Variants in ZC3H13 observed in about 807,000 individuals in gnomAD.
The protein encoded by ZC3H13 is zinc finger CCCH domain-containing protein 13.
In ZC3H13, 64 loss-of-function variants were observed where a neutral mutation model predicts 204.1. That is an observed-to-expected ratio of 0.31 (90% CI 0.26 to 0.39). The LOEUF (loss-of-function observed/expected upper bound fraction) is 0.39, where lower values mean the gene tolerates loss of function less well. Ranked by LOEUF, ZC3H13 falls within the 10% of genes least tolerant of loss-of-function variation. ZC3H13 has a pLI of 1.00. For synonymous variants in ZC3H13, 667 were observed against 693.7 expected, an observed-to-expected ratio of 0.96 and a Z score of 0.60; for missense variants, 1,833 against 2,082.7, an observed-to-expected ratio of 0.88 and a Z score of 2.33.
chr13:46,005,714 C>G (rs1055402989), intron 7 of ZC3H13, among the ~76,000 whole-genome samples: 37 of 152,284 alleles, frequency 2.4e-4, no homozygotes, highest in African/African-American at 8.7e-4. Context: ...GTCTCAAACT[C>G]TTGGGCTCAA....
In ZC3H13 at chr13:46,049,301, A is replaced by AAC. The variant is rs1254918750; in HGVS notation, c.-10+3102_-10+3103insGT. On this transcript the variant is annotated intron_variant, in intron 1 of 18. Coordinates refer to ENST00000679008, the MANE Select transcript of ZC3H13 (RefSeq NM_001330564.2). ...TTAAAACAAGAATAATGACAACAAT[A>AAC]ATACACACACACATATTCTTAATAA... Among the ~76,000 whole-genome samples the AAC allele has an allele frequency of 9.5e-3, 595 of 62,666 alleles. 11 individuals carry two copies. The highest frequency in any genetic ancestry group is 5.4e-3 in the Non-Finnish European group (179 of 33,142). 41.1% of individuals were successfully genotyped at this position (62,666 alleles called of 152,430 possible).
At chr13:45,960,702 A>G (rs1471226324) in intron 17 of ZC3H13, among the ~76,000 whole-genome samples, 2 of 152,234 alleles carry the variant, frequency 1.3e-5, no homozygotes, top group Non-Finnish European at 2.9e-5. Context: ...ATCCAAATAA[A>G]TAAGAGTCGG....
At position 45,970,490 on chromosome 13, in the gene ZC3H13, T is replaced by C. The variant is rs774344625; in HGVS notation, c.2469-25A>G. On this transcript the variant is annotated intron_variant, in intron 12 of 18. Coordinates refer to ENST00000679008, the MANE Select transcript of ZC3H13 (RefSeq NM_001330564.2). ...CCTAAATTGGACAAGCAAACACAATTTATAAAATTCTAGGGGGCAAAAAAA... is the reference window on the plus strand; with the variant it reads ...CCTAAATTGGACAAGCAAACACAATCTATAAAATTCTAGGGGGCAAAAAAA... The C allele has an allele frequency of 1.9e-6, 3 of 1,599,612 alleles. No homozygotes were observed. The African/African-American group carries it at 4.0e-5, about 22-fold the overall frequency.
At chr13:45,959,710 A>C in intron 17 of ZC3H13, 64 bp from the exon 18 acceptor site, 1 of 1,407,056 alleles carries the variant, frequency 7.1e-7, no homozygotes. Flanking sequence ...CCAACTACTT[A>C]ACTGAATATT....
Position 45,963,827 on chromosome 13 carries a change from G to C in ZC3H13, c.4675+15C>G. Reference sequence around the variant, plus strand: ...GGTTAACAGACATTATATAGTTAAAGTAAAATGAAACTACCTTTGGGTTTT... The same window carrying C: ...GGTTAACAGACATTATATAGTTAAACTAAAATGAAACTACCTTTGGGTTTT... On this transcript the variant is annotated intron_variant, in intron 17 of 18. Transcript: ENST00000679008. 1 of 1,613,648 alleles carries C rather than the reference G, an allele frequency of 6.2e-7. No homozygotes were observed. Among genetic ancestry groups the C allele is most frequent in the Non-Finnish European group, 8.5e-7 (1 of 1,179,808 alleles).
At chr13:45,959,398 T>C (rs1310248937) in intron 18 of ZC3H13, 85 bp downstream of exon 18, 6 of 1,314,884 alleles carry the variant, frequency 4.6e-6, no homozygotes, top group East Asian at 2.8e-5. Flanking sequence ...AAACATAAGA[T>C]TGCAATCTCA....
intron 3 of ZC3H13, among the ~76,000 whole-genome samples, chr13:46,043,757 T>C (rs1409813596): frequency 2.0e-5 from 3 of 152,002 alleles, no homozygotes; most frequent in Non-Finnish European, 4.4e-5. Flanking sequence ...ATTCTAAGTC[T>C]AGCAATGACA....
At chr13:45,970,226 A>C in intron 13 of ZC3H13, 136 bp downstream of exon 13, 1 of 971,610 alleles carries the variant, frequency 1.0e-6, no homozygotes. Flanking sequence ...TAGTCACAAA[A>C]GGAGATATTT....
At chr13:46,008,184 AC>A (rs1372027426) in intron 7 of ZC3H13, among the ~76,000 whole-genome samples, 2 of 151,904 alleles carry the variant, frequency 1.3e-5, no homozygotes, top group African/African-American at 4.8e-5. Flanking sequence ...AAAATACTCC[AC>A]TGAGTTTTAA....
intron 8 of ZC3H13, among the ~76,000 whole-genome samples, chr13:45,997,354 T>TA (rs2040414899): frequency 6.6e-6 from 1 of 152,222 alleles, no homozygotes; most frequent in Admixed American, 6.5e-5. Flanking sequence ...GACATCAGGT[T>TA]AGTGTCCTAG....
chr13:46,033,973 G>A (rs947091359), intron 4 of ZC3H13, among the ~76,000 whole-genome samples: 1 of 152,006 alleles, frequency 6.6e-6, no homozygotes, highest in East Asian at 1.9e-4. Context: ...AGGACAAAGA[G>A]CCTAATTTAT....
At chr13:46,004,112 T>C (rs1220069351) in intron 7 of ZC3H13, among the ~76,000 whole-genome samples, 1 of 150,228 alleles carries the variant, frequency 6.7e-6, no homozygotes, top group Non-Finnish European at 1.5e-5. Flanking sequence ...GTCACAACTA[T>C]TTTCTCTCAT....
At chr13:46,006,797 GCT>G (rs2041191447) in intron 7 of ZC3H13, among the ~76,000 whole-genome samples, 1 of 135,744 alleles carries the variant, frequency 7.4e-6, no homozygotes, top group African/African-American at 2.8e-5. Context: ...AGAAAATGTA[GCT>G]CTCTTAGTCC....
At chr13:46,003,055 T>C (rs2040864208) in intron 8 of ZC3H13, 84 bp downstream of exon 8, 1 of 1,410,580 alleles carries the variant, frequency 7.1e-7, no homozygotes, top group South Asian at 1.3e-5. Flanking sequence ...AAACCCAATA[T>C]GCTAATGCCC....
chr13:46,013,513 G>T (rs1354146302), intron 5 of ZC3H13, among the ~76,000 whole-genome samples: 1 of 152,030 alleles, frequency 6.6e-6, no homozygotes, highest in African/African-American at 2.4e-5. Flanking sequence ...TATTCTGAAG[G>T]TGCTTATTTT....
chr13:45,989,126 A>G (rs976597974), intron 8 of ZC3H13, 29 bp from the exon 9 acceptor site: 3 of 1,594,592 alleles, frequency 1.9e-6, no homozygotes, highest in East Asian at 2.2e-5. Flanking sequence ...ACAATAAAAC[A>G]TGTATTCAAG....
chr13:46,009,119 C>G (rs1344317849), intron 7 of ZC3H13, among the ~76,000 whole-genome samples: 2 of 151,994 alleles, frequency 1.3e-5, no homozygotes, highest in Non-Finnish European at 2.9e-5. Context: ...CTAAAGGGAA[C>G]AGAACTTATG....
chr13:45,992,433 CACTT>C (rs780121722), intron 8 of ZC3H13, among the ~76,000 whole-genome samples: 41 of 152,268 alleles, frequency 2.7e-4, no homozygotes, highest in Non-Finnish European at 4.7e-4. Flanking sequence ...TATATTAACT[CACTT>C]AATCTTTATG....
chr13:46,035,945 AT>A (rs1277200554), intron 4 of ZC3H13, among the ~76,000 whole-genome samples: 1 of 151,322 alleles, frequency 6.6e-6, no homozygotes. Context: ...AGTCAGTGCC[AT>A]TTTTTTTTCT....
Sources: gnomAD v4.1 joint callset for allele counts (sites outside exome capture counted in the v4.1 genomes callset) on GRCh38, gnomAD v4.1.1 for gene constraint, MANE v1.5 for transcripts, NCBI Gene and HGNC (gene_info 2026-07-23, HGNC 2026-07-21) for gene names.